Variants in TSPOAP1 observed in about 807,000 individuals in gnomAD.
TSPOAP1 encodes the protein peripheral-type benzodiazepine receptor-associated protein 1.
In TSPOAP1, 87 loss-of-function variants were observed where a neutral mutation model predicts 197.0. That is an observed-to-expected ratio of 0.44 (90% CI 0.37 to 0.53). The LOEUF (loss-of-function observed/expected upper bound fraction) is 0.53, where lower values mean the gene tolerates loss of function less well. Ranked by LOEUF, TSPOAP1 falls within the 20% of genes least tolerant of loss-of-function variation. TSPOAP1 has a pLI of 0.00. For synonymous variants in TSPOAP1, 913 were observed against 998.9 expected (o/e 0.91, Z 1.62); for missense variants, 2,174 against 2,411.3 (o/e 0.90, Z 2.06).
Position 58,310,105 on chromosome 17 carries a change from G to A in TSPOAP1, c.3753C>T (p.His1251=), listed in dbSNP as rs140610129. The A allele has an allele frequency of 3.8e-5, 61 of 1,613,318 alleles. No individual in the cohort carries two copies. The highest frequency in any genetic ancestry group is 1.1e-4 in the African/African-American group (8 of 75,028). Reference sequence around the variant, plus strand: ...TGTCTGACAGGTCTGAGTTGCGGCCGTGGTCCACGAGGGAGTTCACCAGAT... The same window carrying A: ...TGTCTGACAGGTCTGAGTTGCGGCCATGGTCCACGAGGGAGTTCACCAGAT... ...GVHLVNSLVD[H]GRNSDLSDIQ... is the part of the protein sequence containing the mutation. Residue 1251 remains histidine (H), a synonymous_variant, in exon 21 of 32, where the codon CAC becomes CAT. Coordinates refer to ENST00000343736, the MANE Select transcript of TSPOAP1 (RefSeq NM_004758.4).
At chr17:58,317,789 G>A (rs1307452028) in intron 14 of TSPOAP1, among the ~76,000 whole-genome samples, 1 of 152,148 alleles carries the variant, frequency 6.6e-6, no homozygotes, top group Non-Finnish European at 1.5e-5. Context: ...GGCAGGTTCC[G>A]TATTCATTTA....
rs1458296606 is a variant in TSPOAP1, at chr17:58,306,780, G to A, written c.5152+20C>T. 2 of 1,598,082 alleles carry A rather than the reference G, an allele frequency of 1.3e-6. No individual in the cohort carries two copies. Among genetic ancestry groups the A allele is most frequent in the Non-Finnish European group, 1.7e-6 (2 of 1,167,988 alleles). On this transcript the variant is annotated intron_variant, in intron 25 of 31. Coordinates refer to ENST00000343736, the MANE Select transcript of TSPOAP1 (RefSeq NM_004758.4). ...AAGGGGGCTGGTGGGAGGTGGGTGA[G>A]GGACAGCAGCAGGTCATACCTGAGC...
At chr17:58,325,851 G>A in intron 3 of TSPOAP1, 138 bp from the exon 4 acceptor site, 4 of 881,546 alleles carry the variant, frequency 4.5e-6, no homozygotes, top group Non-Finnish European at 6.8e-6. Context: ...TGGGGTCTCA[G>A]AAAACCAGCA....
Position 58,308,587 on chromosome 17 carries a change from C to T in TSPOAP1, c.4685G>A (p.Arg1562Gln), listed in dbSNP as rs750069340. 1.3e-5 allele frequency: 21 copies of T among 1,575,370 alleles called. No homozygotes were observed. Among genetic ancestry groups the T allele is most frequent in the South Asian group, 6.9e-5 (6 of 86,560 alleles). The change falls in exon 22 of 32, where the codon CGG (arginine) becomes CAG (glutamine). Residue 1562 changes from arginine to glutamine, a missense_variant. Arg to Gln is a conservative substitution (Grantham distance 43). Transcript: ENST00000343736. ...LPAWEKGEPE[R>Q]RGRSATGRAK... Reference sequence around the variant, plus strand: ...TCTGCCCGTCGCACTGCGGCCTCTCCGCTCTGGTTCCCCTTTCTCCCAGGC... The same window carrying T: ...TCTGCCCGTCGCACTGCGGCCTCTCTGCTCTGGTTCCCCTTTCTCCCAGGC...
At chr17:58,321,620 TA>T (rs1196582539) in intron 10 of TSPOAP1, among the ~76,000 whole-genome samples, 4 of 152,132 alleles carry the variant, frequency 2.6e-5, no homozygotes, top group Non-Finnish European at 5.9e-5. Flanking sequence ...GTTCTATCTC[TA>T]AAACATAACT....
Position 58,328,061 on chromosome 17 carries a change from T to A in TSPOAP1, c.-141A>T. The stretch of plus-strand genomic sequence containing the variant: ...ACGCTCCATCCAAGGTTGGCTGAGC[T>A]CTTCCCCACCCACAAAGGAGGCTGC... On this transcript the variant is annotated 5_prime_UTR_variant, in exon 1 of 32. Coordinates refer to ENST00000343736, the MANE Select transcript of TSPOAP1 (RefSeq NM_004758.4). The surrounding 1 kb of genome is among the most constrained non-coding windows in gnomAD (Gnocchi z 4.3). 5.2e-6 allele frequency: 4 copies of A among 774,532 alleles called. No homozygotes were observed. Among genetic ancestry groups the A allele is most frequent in the Non-Finnish European group, 8.0e-6 (4 of 497,202 alleles). The allele number at this position is 774,532 out of a possible 1,614,324, so 48.0% of individuals were successfully genotyped here. A position where few individuals can be genotyped will look rare whatever the true frequency, so the allele number is the denominator to read the frequency against.
At chr17:58,325,039 G>A (rs1971533078) in intron 4 of TSPOAP1, 37 bp from the exon 5 acceptor site, 1 of 1,476,662 alleles carries the variant, frequency 6.8e-7, no homozygotes, top group South Asian at 1.3e-5. Flanking sequence ...GGGGACTCAG[G>A]CCTAATCCTT....
chr17:58,305,443 G>A lies in TSPOAP1; in HGVS notation c.5377C>T (p.Arg1793Trp), dbSNP rs747478700. The change falls in exon 29 of 32, where the codon CGG (arginine) becomes TGG (tryptophan). Residue 1793 changes from arginine to tryptophan, a missense_variant. Arg to Trp is a moderately radical substitution (Grantham distance 101). This residue lies in a region of TSPOAP1 where 161 missense variants were observed against 159.1 expected (regional missense o/e 1.01). Transcript: ENST00000343736. ...AACACAGTAATGACATCCCCTGCCC[G>A]GAAGGGCAGCTCTGCCTGTGGAAAA... ...NMDVEAELPF[R>W]AGDVITVFGG... The A allele has an allele frequency of 2.0e-5, 33 of 1,613,784 alleles. No individual in the cohort carries two copies. Among genetic ancestry groups the A allele is most frequent in the Non-Finnish European group, 2.4e-5 (28 of 1,179,882 alleles).
Position 58,327,697 on chromosome 17 carries a change from G to T in TSPOAP1, c.224C>A (p.Thr75Asn). Reference protein sequence around the residue: ...GDGSSRPVGGTDPEGAEACLP... With the variant: ...GDGSSRPVGGNDPEGAEACLP... ...ACAAGCCTCTGCTCCTTCAGGGTCA[G>T]TTCCCCCCACGGGCCTGGAGCTCCC... The change falls in exon 1 of 32, where the codon ACT (threonine) becomes AAT (asparagine). Residue 75 changes from threonine (T) to asparagine (N), a missense_variant. Coordinates refer to ENST00000343736, the MANE Select transcript of TSPOAP1 (RefSeq NM_004758.4). The T allele has an allele frequency of 6.2e-7, 1 of 1,614,058 alleles. No individual in the cohort carries two copies. Among genetic ancestry groups the T allele is most frequent in the Non-Finnish European group, 8.5e-7 (1 of 1,180,052 alleles).
Position 58,320,099 on chromosome 17 carries a change from G to C in TSPOAP1, c.1494+10C>G, listed in dbSNP as rs146024110. On this transcript the variant is annotated intron_variant, in intron 12 of 31. Coordinates refer to ENST00000343736, the MANE Select transcript of TSPOAP1 (RefSeq NM_004758.4). The stretch of plus-strand genomic sequence containing the variant: ...GGAGAGGTGTGGGGAAGTGGAGAAC[G>C]AGGCGCTACCTGCATGGAATCCAAG... The C allele has an allele frequency of 6.8e-6, 11 of 1,614,036 alleles. No individual in the cohort carries two copies. Among genetic ancestry groups the C allele is most frequent in the Non-Finnish European group, 8.5e-6 (10 of 1,180,018 alleles).
At chr17:58,319,999 A>G in intron 12 of TSPOAP1, 110 bp downstream of exon 12, 1 of 1,419,680 alleles carries the variant, frequency 7.0e-7, no homozygotes. Context: ...GCCTGCTCCC[A>G]GTGACACCCC....
chr17:58,323,159 G>A, intron 7 of TSPOAP1, 120 bp from the exon 8 acceptor site: 2 of 1,462,094 alleles, frequency 1.4e-6, no homozygotes, highest in Non-Finnish European at 1.9e-6. Context: ...ACCTGCACCA[G>A]CCAGGAAAGG....
chr17:58,316,616 A>T, intron 14 of TSPOAP1, 76 bp from the exon 15 acceptor site: 1 of 1,197,056 alleles, frequency 8.4e-7, no homozygotes, highest in Non-Finnish European at 1.2e-6. Flanking sequence ...TTCCAGGCTG[A>T]GCCAGAGGAC....
chr17:58,307,413 C>A (rs539278220), intron 24 of TSPOAP1, 198 bp downstream of exon 24: 5 of 669,326 alleles, frequency 7.5e-6, no homozygotes, highest in Non-Finnish European at 9.9e-6. Flanking sequence ...AAAAAGAAAA[C>A]TGAGGCCCAG....
Position 58,322,530 on chromosome 17 carries a change from T to G in TSPOAP1, c.1318-118A>C. ...CAGATTCCTCTATTACAAAGGAAACTGAGCCTGGAGCAGCTCCAGGCCCAG... is the reference window on the plus strand; with the variant it reads ...CAGATTCCTCTATTACAAAGGAAACGGAGCCTGGAGCAGCTCCAGGCCCAG... On this transcript the variant is annotated intron_variant, in intron 9 of 31. Transcript: ENST00000343736. This position sits in a 1 kb window ranked among gnomAD's most constrained non-coding sequence, Gnocchi z 5.0. 12 of 1,548,022 alleles carry G rather than the reference T, an allele frequency of 7.8e-6. No individual in the cohort carries two copies. The highest frequency in any genetic ancestry group is 1.0e-5 in the Non-Finnish European group (12 of 1,148,448).
In TSPOAP1 at chr17:58,308,653, G is replaced by A. The variant is rs759830960; in HGVS notation, c.4619C>T (p.Pro1540Leu). ...GGGCTTGGGGCCTGAATTGGCCTTCGGAGGCCCCCTGGGCCTTCCTACAGT... is the reference window on the plus strand; with the variant it reads ...GGGCTTGGGGCCTGAATTGGCCTTCAGAGGCCCCCTGGGCCTTCCTACAGT... ...TATVGRPRGP[P>L]KANSGPKPYP... is the part of the protein sequence containing the mutation. The change falls in exon 22 of 32, where the codon CCG becomes CTG. Residue 1540 changes from proline to leucine, a missense_variant. Coordinates refer to ENST00000343736, the MANE Select transcript of TSPOAP1 (RefSeq NM_004758.4). 10 of 1,610,012 alleles carry A rather than the reference G, an allele frequency of 6.2e-6. No homozygotes were observed. Among genetic ancestry groups the A allele is most frequent in the East Asian group, 4.5e-5 (2 of 44,778 alleles).
rs146024110 is a variant in TSPOAP1 at position 58,320,099 on chromosome 17, G to A, written c.1494+10C>T. 5.0e-4 allele frequency: 804 copies of A among 1,614,154 alleles called. 3 individuals carry two copies. In the East Asian group the frequency reaches 6.4e-3, roughly 13 times the overall value. On this transcript the variant is annotated intron_variant, in intron 12 of 31. Coordinates refer to ENST00000343736, the MANE Select transcript of TSPOAP1 (RefSeq NM_004758.4). ...GGAGAGGTGTGGGGAAGTGGAGAAC[G>A]AGGCGCTACCTGCATGGAATCCAAG...
At chr17:58,308,414 C>T (rs866418321) in intron 22 of TSPOAP1, 127 bp downstream of exon 22, 27 of 1,391,382 alleles carry the variant, frequency 1.9e-5, no homozygotes, top group East Asian at 2.4e-5. Context: ...TGAGGGAGCC[C>T]GGAGGCCCGG....
chr17:58,319,364 C>T (rs1271946073), intron 12 of TSPOAP1, 70 bp from the exon 13 acceptor site: 1 of 1,447,502 alleles, frequency 6.9e-7, no homozygotes, highest in African/African-American at 1.4e-5. Flanking sequence ...GCCATCTGTA[C>T]ACAGCCCTAC....
Sources: allele counts gnomAD v4.1 joint callset (sites outside exome capture counted in the v4.1 genomes callset), GRCh38; gene constraint gnomAD v4.1.1; regional missense constraint gnomAD v4.1.1; non-coding constraint Gnocchi (gnomAD v3.1); transcripts MANE v1.5; gene names NCBI Gene and HGNC (gene_info 2026-07-23, HGNC 2026-07-21).